Variants in MARCHF1 observed in about 807,000 individuals in gnomAD.
MARCHF1 encodes the protein membrane associated ring-CH-type finger 1, also known as E3 ubiquitin-protein ligase MARCHF1.
Under a neutral mutation model 54.2 loss-of-function variants are expected in MARCHF1, and 40 were observed. The ratio of observed to expected loss-of-function variants is 0.74; its 90% CI spans 0.57 to 0.96. The LOEUF (loss-of-function observed/expected upper bound fraction) is 0.96, where lower values mean the gene tolerates loss of function less well. MARCHF1 is among the 40% of genes least tolerant of loss of function. MARCHF1 has a pLI of 0.00. For missense variants in MARCHF1, 586 were observed against 656.5 expected (o/e 0.89, Z 1.17); for synonymous variants, 236 against 236.3 (o/e 1.00, Z 0.01).
At chr4:164,219,751 C>G (rs1031423658) in intron 1 of MARCHF1, among the ~76,000 whole-genome samples, 4 of 151,866 alleles carry the variant, frequency 2.6e-5, no homozygotes, top group Admixed American at 2.0e-4. Context: ...GATCAGCTCT[C>G]TTAAAACTTA....
chr4:164,072,410 A>T (rs1754886612), intron 2 of MARCHF1, among the ~76,000 whole-genome samples: 1 of 151,912 alleles, frequency 6.6e-6, no homozygotes, highest in Non-Finnish European at 1.5e-5. Flanking sequence ...AAAGTATAAA[A>T]ATTAACTGGG....
intron 1 of MARCHF1, among the ~76,000 whole-genome samples, chr4:164,172,120 A>T (rs1730541944): frequency 6.6e-6 from 1 of 152,000 alleles, no homozygotes; most frequent in Non-Finnish European, 1.5e-5. Flanking sequence ...TTTCTTGGCT[A>T]CCCCTCATTT....
intron 3 of MARCHF1, among the ~76,000 whole-genome samples, chr4:163,975,953 CT>C (rs1752641570): frequency 6.6e-6 from 1 of 152,138 alleles, no homozygotes; most frequent in Non-Finnish European, 1.5e-5. Flanking sequence ...CACCTTTGGA[CT>C]TGCCACCAGT....
At chr4:163,836,961 A>G (rs1401320724) in intron 4 of MARCHF1, among the ~76,000 whole-genome samples, 1 of 152,186 alleles carries the variant, frequency 6.6e-6, no homozygotes, top group Non-Finnish European at 1.5e-5. Flanking sequence ...TTGCTCGTAT[A>G]TAATACAGGA....
rs536315101 is a variant in MARCHF1 at position 164,091,269 on chromosome 4, G to A, written c.-248+20319C>T. Among the ~76,000 whole-genome samples, 6 of 151,916 alleles carry A rather than the reference G, an allele frequency of 3.9e-5. No individual in the cohort carries two copies. In the East Asian group the frequency reaches 7.7e-4, roughly 20 times the overall value. On this transcript the variant is annotated intron_variant, in intron 2 of 9. Coordinates refer to ENST00000514618, the MANE Select transcript of MARCHF1 (RefSeq NM_001394959.1). ...ATTTAATAATTATGCATCAGCTTAT[G>A]TATTCCATAACACATGCACATCATT... is the stretch of plus-strand genomic sequence containing the variant.
At chr4:163,994,964 A>G (rs961682082) in intron 2 of MARCHF1, among the ~76,000 whole-genome samples, 1 of 152,034 alleles carries the variant, frequency 6.6e-6, no homozygotes, top group Admixed American at 6.6e-5. Context: ...TCTGTGACCA[A>G]ATGTGTAGGT....
At chr4:164,143,029 A>G (rs1373401593) in intron 1 of MARCHF1, among the ~76,000 whole-genome samples, 1 of 150,018 alleles carries the variant, frequency 6.7e-6, no homozygotes, top group Non-Finnish European at 1.5e-5. Context: ...AAGAATGCAG[A>G]AGCCTCAGGA....
chr4:163,870,212 ACATT>A (rs957580817), intron 3 of MARCHF1, among the ~76,000 whole-genome samples: 10 of 152,118 alleles, frequency 6.6e-5, no homozygotes, highest in African/African-American at 2.4e-4. Flanking sequence ...TCAATTCTCT[ACATT>A]CAATTTTTAA....
intron 4 of MARCHF1, among the ~76,000 whole-genome samples, chr4:163,745,345 C>G (rs1457175008): frequency 6.6e-6 from 1 of 152,036 alleles, no homozygotes; most frequent in Non-Finnish European, 1.5e-5. Context: ...GAACTCCTGA[C>G]CTTGTGATCC....
rs186433880 is a variant in MARCHF1 at position 164,053,111 on chromosome 4, G to T, written c.-248+58477C>A. Among the ~76,000 whole-genome samples, 290 of 152,142 alleles carry T rather than the reference G, an allele frequency of 1.9e-3. 1 individual carries two copies. The highest frequency in any genetic ancestry group is 6.8e-3 in the African/African-American group (283 of 41,500). On this transcript the variant is annotated intron_variant, in intron 2 of 9. Coordinates refer to ENST00000514618, the MANE Select transcript of MARCHF1 (RefSeq NM_001394959.1). Reference sequence around the variant, plus strand: ...AATTCTTCAAAATATGTAGTTATTGGGGGAGCATATTGATTTAGAGAACAT... The same window carrying T: ...AATTCTTCAAAATATGTAGTTATTGTGGGAGCATATTGATTTAGAGAACAT...
intron 1 of MARCHF1, among the ~76,000 whole-genome samples, chr4:164,259,093 G>C (rs1442279224): frequency 6.6e-6 from 1 of 152,080 alleles, no homozygotes; most frequent in Non-Finnish European, 1.5e-5. Flanking sequence ...TTCAGTAAAA[G>C]ATTTAGCAGT....
intron 4 of MARCHF1, among the ~76,000 whole-genome samples, chr4:163,744,356 T>C (rs914294537): frequency 6.6e-6 from 1 of 152,102 alleles, no homozygotes. Context: ...CATGGAAAAA[T>C]AGAAAGTTAT....
intron 4 of MARCHF1, among the ~76,000 whole-genome samples, chr4:163,724,813 T>C (rs12331129): frequency 0.46 from 69,684 of 151,952 alleles, 16,061 homozygotes; most frequent in Admixed American, 0.5. Flanking sequence ...AAGCCATGCA[T>C]GGGATATAAT....
intron 4 of MARCHF1, among the ~76,000 whole-genome samples, chr4:163,799,090 G>A (rs973247684): frequency 6.6e-5 from 10 of 151,934 alleles, no homozygotes; most frequent in African/African-American, 2.4e-4. Context: ...CTATTTAAAT[G>A]AATAAAAAGT....
chr4:164,252,812 T>A (rs1733166264), intron 1 of MARCHF1, among the ~76,000 whole-genome samples: 1 of 152,104 alleles, frequency 6.6e-6, no homozygotes, highest in South Asian at 2.1e-4. Context: ...TATTATCAGA[T>A]AAACTCAAAA....
chr4:163,879,112 G>A (rs1302796117), intron 3 of MARCHF1, among the ~76,000 whole-genome samples: 1 of 152,182 alleles, frequency 6.6e-6, no homozygotes, highest in Non-Finnish European at 1.5e-5. Context: ...TCATCTTTAA[G>A]GCAATCGTGA....
chr4:164,160,056 T>A (rs951979210), intron 1 of MARCHF1, among the ~76,000 whole-genome samples: 1 of 147,650 alleles, frequency 6.8e-6, no homozygotes, highest in Non-Finnish European at 1.5e-5. Flanking sequence ...CTATTTTTTT[T>A]ATTATTGTTA....
intron 2 of MARCHF1, among the ~76,000 whole-genome samples, chr4:164,017,911 C>A (rs1039394652): frequency 1.3e-5 from 2 of 149,296 alleles, no homozygotes; most frequent in Non-Finnish European, 3.0e-5. Flanking sequence ...TTATAAAAAG[C>A]CACAGGAATT....
intron 1 of MARCHF1, among the ~76,000 whole-genome samples, chr4:164,199,677 CACACAGAGAGAG>C (rs775478409): frequency 0.21 from 13,305 of 62,186 alleles, 966 homozygotes; most frequent in Non-Finnish European, 0.26. Context: ...CACACACACA[CACACAGAGAGAG>C]AGAGAGAGAG....
Sources: gnomAD v4.1 joint callset for allele counts (sites outside exome capture counted in the v4.1 genomes callset) on GRCh38, gnomAD v4.1.1 for gene constraint, MANE v1.5 for transcripts, NCBI Gene and HGNC (gene_info 2026-07-23, HGNC 2026-07-21) for gene names.